MPRIP: variants seen among roughly 807,000 people sequenced by gnomAD.
MPRIP encodes myosin phosphatase Rho-interacting protein.
MPRIP carries 59 observed loss-of-function variants against 234.9 expected under a neutral mutation model. The observed-to-expected ratio is 0.25, with a 90% CI of 0.20 to 0.31. The LOEUF is 0.31. Among genes scored for constraint, MPRIP ranks in the 10% least tolerant of loss-of-function variants. MPRIP has a pLI of 1.00. For missense variants in MPRIP, 2,436 were observed against 3,071.0 expected (o/e 0.79, Z 4.89); for synonymous variants, 1,144 against 1,263.9 (o/e 0.91, Z 2.01).
rs1054236026 is a variant in MPRIP at position 17,166,060 on chromosome 17, C to T, written c.4469C>T (p.Pro1490Leu). The T allele has an allele frequency of 1.5e-6, 2 of 1,302,100 alleles. No individual in the cohort carries two copies. Among genetic ancestry groups the T allele is most frequent in the Non-Finnish European group, 2.0e-6 (2 of 987,556 alleles). The allele number at this position is 1,302,100 out of a possible 1,614,324, so 80.7% of individuals were successfully genotyped here. Reference protein sequence around the residue: ...ENCREQLRSLPRASQEDEQDA... With the variant: ...ENCREQLRSLLRASQEDEQDA... ...TGCCGAGAACAACTGAGATCTCTGC[C>T]TAGGGCCAGCCAGGAGGATGAGCAG... Residue 1490 changes from proline (P) to leucine (L), a missense_variant, in exon 16 of 24, where the codon CCT (proline) becomes CTT (leucine). By Grantham distance (98) the Pro-to-Leu change is moderately conservative. Coordinates refer to ENST00000651222, the MANE Select transcript of MPRIP (RefSeq NM_001364716.4). This position sits in a 1 kb window ranked among gnomAD's most constrained non-coding sequence, Gnocchi z 4.4.
At position 17,166,943 on chromosome 17, in the gene MPRIP, G is replaced by A; in HGVS notation, c.5352G>A (p.Gln1784=). The A allele has an allele frequency of 7.7e-7, 1 of 1,304,264 alleles. No individual in the cohort carries two copies. Among genetic ancestry groups the A allele is most frequent in the African/African-American group, 1.5e-5 (1 of 66,000 alleles). The allele number at this position is 1,304,264 out of a possible 1,614,324, so 80.8% of individuals were successfully genotyped here. A position where few individuals can be genotyped will look rare whatever the true frequency, so the allele number is the denominator to read the frequency against. Residue 1784 remains glutamine, a synonymous_variant, in exon 16 of 24, where the codon CAG becomes CAA. Coordinates refer to ENST00000651222, the MANE Select transcript of MPRIP (RefSeq NM_001364716.4). This position sits in a 1 kb window ranked among gnomAD's most constrained non-coding sequence, Gnocchi z 4.4. ...TTGCTATTCAGGAGGAGCTTGCCCA[G>A]CAGCTGAAGGAGAAGGCCAGCCTCT... The part of the protein sequence containing the change: ...AFVAIQEELA[Q]QLKEKASLLE...
Position 17,166,352 on chromosome 17 carries a change from A to G in MPRIP, c.4761A>G (p.Thr1587=). 7.7e-7 allele frequency: 1 copy of G among 1,304,564 alleles called. No individual in the cohort carries two copies. The highest frequency in any genetic ancestry group is 1.0e-6 in the Non-Finnish European group (1 of 989,024). The allele number at this position is 1,304,564 out of a possible 1,614,324, so 80.8% of individuals were successfully genotyped here. A position where few individuals can be genotyped will look rare whatever the true frequency, so the allele number is the denominator to read the frequency against. The change falls in exon 16 of 24, where the codon ACA becomes ACG. Residue 1587 remains threonine (T), a synonymous_variant. Coordinates refer to ENST00000651222, the MANE Select transcript of MPRIP (RefSeq NM_001364716.4). This position sits in a 1 kb window ranked among gnomAD's most constrained non-coding sequence, Gnocchi z 4.4. The stretch of plus-strand genomic sequence containing the variant: ...TAGCAGATTCCCTGAAGAACACAAC[A>G]TCAGATGTCTCCCGAATGCTCCATG... ...SQIADSLKNT[T]SDVSRMLHEI...
At chr17:17,065,372 C>T (rs1305363620) in intron 1 of MPRIP, among the ~76,000 whole-genome samples, 4 of 139,508 alleles carry the variant, frequency 2.9e-5, no homozygotes, top group African/African-American at 1.1e-4. Context: ...TCTGTATCAG[C>T]TTGAGATGAT....
Position 17,188,079 on chromosome 17 carries a change from T to G in MPRIP, c.*3185T>G, listed in dbSNP as rs900824112. 6.6e-6 allele frequency: 1 copy of G among 152,244 alleles called. No individual in the cohort carries two copies. Among genetic ancestry groups the G allele is most frequent in the Non-Finnish European group, 1.5e-5 (1 of 68,048 alleles). 9.4% of individuals were successfully genotyped at this position (152,244 alleles called of 1,614,324 possible). ...CGCCTGCACGTGCAGAATAGTCACTTTCTGCTGGTCAGTTTCTTTATCCAC... is the reference window on the plus strand; with the variant it reads ...CGCCTGCACGTGCAGAATAGTCACTGTCTGCTGGTCAGTTTCTTTATCCAC... On this transcript the variant is annotated 3_prime_UTR_variant, in exon 24 of 24. Coordinates refer to ENST00000651222, the MANE Select transcript of MPRIP (RefSeq NM_001364716.4).
intron 3 of MPRIP, among the ~76,000 whole-genome samples, chr17:17,118,183 G>A (rs894506840): frequency 6.6e-6 from 1 of 152,218 alleles, no homozygotes; most frequent in Non-Finnish European, 1.5e-5. Flanking sequence ...GCTAGCCCAG[G>A]TCATGGGGTG....
At position 17,187,509 on chromosome 17, in the gene MPRIP, G is replaced by A. The variant is rs957764590; in HGVS notation, c.*2615G>A. 2.0e-5 allele frequency: 3 copies of A among 152,260 alleles called. No homozygotes were observed. The highest frequency in any genetic ancestry group is 6.5e-5 in the Admixed American group (1 of 15,288). The allele number at this position is 152,260 out of a possible 1,614,324, so 9.4% of individuals were successfully genotyped here. ...TCCCTGCTGGTGGGCTCCATCCTGC[G>A]ATGGAGTGAACCAGGCGAGAAAGGA... On this transcript the variant is annotated 3_prime_UTR_variant, in exon 24 of 24. Coordinates refer to ENST00000651222, the MANE Select transcript of MPRIP (RefSeq NM_001364716.4).
intron 7 of MPRIP, among the ~76,000 whole-genome samples, chr17:17,140,345 A>G (rs2090786960): frequency 6.6e-6 from 1 of 152,156 alleles, no homozygotes; most frequent in African/African-American, 2.4e-5. Context: ...TGTACTCTGC[A>G]TGCACTGCCA....
chr17:17,161,911 G>A (rs2045879496), intron 15 of MPRIP, among the ~76,000 whole-genome samples: 1 of 152,232 alleles, frequency 6.6e-6, no homozygotes, highest in South Asian at 2.1e-4. Context: ...CTGAGATCCT[G>A]TACCACAGAG....
intron 16 of MPRIP, among the ~76,000 whole-genome samples, chr17:17,169,618 C>T (rs1219746425): frequency 2.0e-5 from 3 of 152,248 alleles, no homozygotes; most frequent in Non-Finnish European, 2.9e-5. Flanking sequence ...GCCTTAGCTG[C>T]CGTTGCATAG....
At chr17:17,117,011 A>C (rs941570285) in intron 3 of MPRIP, among the ~76,000 whole-genome samples, 9 of 152,162 alleles carry the variant, frequency 5.9e-5, no homozygotes, top group Non-Finnish European at 1.3e-4. Context: ...CTCTGAGTAG[A>C]GGATGTGCCC....
intron 6 of MPRIP, among the ~76,000 whole-genome samples, chr17:17,137,408 G>A (rs141299318): frequency 3.7e-4 from 56 of 152,168 alleles, no homozygotes; most frequent in African/African-American, 1.3e-3. Flanking sequence ...TAGCTACTTG[G>A]GAGGCTGAGG....
intron 3 of MPRIP, among the ~76,000 whole-genome samples, chr17:17,084,886 C>T (rs2089550756): frequency 6.6e-6 from 1 of 152,210 alleles, no homozygotes; most frequent in Non-Finnish European, 1.5e-5. Flanking sequence ...TTACAGAAAT[C>T]AGAACAATAA....
chr17:17,151,751 C>T (rs1339738306), intron 12 of MPRIP, among the ~76,000 whole-genome samples: 2 of 152,182 alleles, frequency 1.3e-5, no homozygotes, highest in Non-Finnish European at 2.9e-5. Context: ...AAGTTACCTC[C>T]CAGGAGCTAG....
intron 3 of MPRIP, among the ~76,000 whole-genome samples, chr17:17,124,868 A>G (rs1447824887): frequency 6.6e-6 from 1 of 152,142 alleles, no homozygotes. Context: ...AAATAGAGTA[A>G]AGGGGCTGGA....
chr17:17,082,215 A>G (rs1373084005), intron 3 of MPRIP, among the ~76,000 whole-genome samples: 1 of 151,202 alleles, frequency 6.6e-6, no homozygotes, highest in African/African-American at 2.4e-5. Flanking sequence ...GGAGCAGGCC[A>G]GGCCATGAGG....
chr17:17,171,782 A>G lies in MPRIP; in HGVS notation c.6389A>G (p.Gln2130Arg). 1.9e-6 allele frequency: 3 copies of G among 1,613,824 alleles called. No homozygotes were observed. Among genetic ancestry groups the G allele is most frequent in the Non-Finnish European group, 2.5e-6 (3 of 1,180,028 alleles). Residue 2130 changes from glutamine to arginine, a missense_variant, in exon 17 of 24, where the codon CAG becomes CGG. By Grantham distance (43) the Gln-to-Arg change is conservative (BLOSUM62 1). Coordinates refer to ENST00000651222, the MANE Select transcript of MPRIP (RefSeq NM_001364716.4). ...ETHQKKIEDL[Q>R]RQHQRELEKL... ...CACCAGAAGAAGATTGAAGATCTCC[A>G]GAGGCAGCACCAGCGGGAGCTAGAG...
chr17:17,148,955 T>C (rs1384741909), intron 11 of MPRIP, among the ~76,000 whole-genome samples: 1 of 152,138 alleles, frequency 6.6e-6, no homozygotes, highest in Non-Finnish European at 1.5e-5. Flanking sequence ...ATGAAATAGG[T>C]GGTGGTATTA....
At chr17:17,073,264 C>T (rs1370783177) in intron 1 of MPRIP, among the ~76,000 whole-genome samples, 1 of 152,180 alleles carries the variant, frequency 6.6e-6, no homozygotes, top group African/African-American at 2.4e-5. Context: ...CTGCATCAGT[C>T]CCCTCTGTGG....
In MPRIP at chr17:17,167,298, C is replaced by T. The variant is rs1405245955; in HGVS notation, c.5707C>T (p.Leu1903=). 1.8e-5 allele frequency: 23 copies of T among 1,303,896 alleles called. No homozygotes were observed. The highest frequency in any genetic ancestry group is 2.1e-5 in the Non-Finnish European group (21 of 988,958). The allele number at this position is 1,303,896 out of a possible 1,614,324, so 80.8% of individuals were successfully genotyped here. Reference sequence around the variant, plus strand: ...TCTCCGCAAGCAGAAGAGCGAGTACCTGGATGTGATCGCCATTGTTGAAAG... The same window carrying T: ...TCTCCGCAAGCAGAAGAGCGAGTACTTGGATGTGATCGCCATTGTTGAAAG... ...ELLRKQKSEY[L]DVIAIVEREN... The change falls in exon 16 of 24, where the codon CTG becomes TTG. Residue 1903 remains leucine (L), a synonymous_variant. Transcript: ENST00000651222. This position sits in a 1 kb window ranked among gnomAD's most constrained non-coding sequence, Gnocchi z 5.9.
Sources: gnomAD v4.1 joint callset for allele counts (sites outside exome capture counted in the v4.1 genomes callset) on GRCh38, gnomAD v4.1.1 for gene constraint, Gnocchi (gnomAD v3.1) non-coding constraint, MANE v1.5 for transcripts, NCBI Gene and HGNC (gene_info 2026-07-23, HGNC 2026-07-21) for gene names.